The following OVCH1 variants were observed in gnomAD, a reference collection of about 807,000 sequenced individuals.
OVCH1 encodes the protein ovochymase-1.
A neutral mutation model predicts 138.4 loss-of-function variants in OVCH1; 139 were observed. The observed-to-expected ratio is 1.00, with a 90% CI of 0.87 to 1.16. The LOEUF (loss-of-function observed/expected upper bound fraction) is 1.16, where lower values mean the gene tolerates loss of function less well. Among genes scored for constraint, OVCH1 ranks in the 50% most tolerant of loss-of-function variants. OVCH1 has a pLI of 0.00. For synonymous variants in OVCH1, 453 were observed against 467.8 expected, an observed-to-expected ratio of 0.97 and a Z score of 0.41; for missense variants, 1,367 against 1,357.9, an observed-to-expected ratio of 1.01 and a Z score of -0.11.
At chr12:29,465,243 G>A in intron 16 of OVCH1, 24 bp from the exon 17 acceptor site, 1 of 1,560,868 alleles carries the variant, frequency 6.4e-7, no homozygotes. Context: ...AACAGTGAAA[G>A]TTTGACATGA....
rs1224929608 is a variant in OVCH1, at chr12:29,485,106, A to T, written c.995+1140T>A. On this transcript the variant is annotated intron_variant, in intron 8 of 27. Coordinates refer to ENST00000318184, the Ensembl canonical transcript of OVCH1. ...CTTGGGTAAGGTTAAATACCTTTGT[A>T]TAAAGATGCTAACGTACAATTTGAG... is the stretch of plus-strand genomic sequence containing the variant. 4.6e-5 allele frequency among the ~76,000 whole-genome samples: 7 copies of T among 152,242 alleles called. No individual in the cohort carries two copies. In the East Asian group the frequency reaches 1.2e-3, roughly 25 times the overall value.
At chr12:29,450,319 G>A (rs1027848852) in intron 22 of OVCH1, among the ~76,000 whole-genome samples, 4 of 151,856 alleles carry the variant, frequency 2.6e-5, no homozygotes, top group Non-Finnish European at 5.9e-5. Context: ...AAATTCACAA[G>A]AAAAAAATAA....
At chr12:29,448,698 G>T (rs73278722) in intron 22 of OVCH1, among the ~76,000 whole-genome samples, 1 of 152,012 alleles carries the variant, frequency 6.6e-6, no homozygotes, top group Non-Finnish European at 1.5e-5. Context: ...CTAATTAATT[G>T]TGTCACTGTA....
At chr12:29,433,478 A>G (rs376647832) in intron 27 of OVCH1, among the ~76,000 whole-genome samples, 11 of 152,206 alleles carry the variant, frequency 7.2e-5, no homozygotes, top group East Asian at 5.8e-4. Context: ...TTCTTTATAA[A>G]TTACCCAGTC....
At chr12:29,426,462 A>G (rs1237910790), downstream of OVCH1, among the ~76,000 whole-genome samples, 1 of 152,196 alleles carries the variant, frequency 6.6e-6, no homozygotes. Context: ...TCCCAAATTG[A>G]TATCTATAGC....
chr12:29,477,723 CT>C lies in OVCH1; in HGVS notation c.1070-146del, dbSNP rs1727274279. The C allele has an allele frequency of 3.2e-6, 3 of 946,100 alleles. No individual in the cohort carries two copies. In the South Asian group the frequency reaches 5.1e-5, roughly 16 times the overall value. The allele number at this position is 946,100 out of a possible 1,614,324, so 58.6% of individuals were successfully genotyped here. A position where few individuals can be genotyped will look rare whatever the true frequency, so the allele number is the denominator to read the frequency against. ...CTTCAGGGCCTAACTCAAAATTCAGCTCTCTGATAAACTCTACCAGACAACC... is the reference window on the plus strand; with the variant it reads ...CTTCAGGGCCTAACTCAAAATTCAGCCTCTGATAAACTCTACCAGACAACC... On this transcript the variant is annotated intron_variant, in intron 9 of 27. Transcript: ENST00000318184.
intron 26 of OVCH1, among the ~76,000 whole-genome samples, chr12:29,436,995 G>A (rs1200617398): frequency 6.6e-6 from 1 of 152,178 alleles, no homozygotes. Flanking sequence ...CTGCTGATTG[G>A]TCCATTTTAC....
At chr12:29,471,650 A>G (rs887504827) in intron 16 of OVCH1, among the ~76,000 whole-genome samples, 152 bp downstream of exon 16, 1 of 152,230 alleles carries the variant, frequency 6.6e-6, no homozygotes, top group Non-Finnish European at 1.5e-5. Context: ...ACATTGTTTA[A>G]ATAGTAGCTA....
intron 19 of OVCH1, among the ~76,000 whole-genome samples, chr12:29,459,173 A>T (rs1284933229): frequency 6.6e-6 from 1 of 152,216 alleles, no homozygotes; most frequent in African/African-American, 2.4e-5. Flanking sequence ...TTGAAAAGTT[A>T]TCTGCACTCC....
At chr12:29,496,509 A>G (rs1456608924) in intron 2 of OVCH1, 47 bp downstream of exon 2, 51 of 1,472,274 alleles carry the variant, frequency 3.5e-5, no homozygotes, top group Non-Finnish European at 4.7e-5. Flanking sequence ...CAAAGGAAAT[A>G]TTTCACTGTT....
At chr12:29,492,311 A>G (rs1469971578) in intron 4 of OVCH1, among the ~76,000 whole-genome samples, 1 of 127,384 alleles carries the variant, frequency 7.9e-6, no homozygotes, top group African/African-American at 3.1e-5. Flanking sequence ...TGACTGGAGC[A>G]GATTAAGTTA....
rs1943226287 is a variant in OVCH1, at chr12:29,489,791, A to G, written c.551-20T>C. 1.2e-6 allele frequency: 2 copies of G among 1,601,596 alleles called. No homozygotes were observed. Among genetic ancestry groups the G allele is most frequent in the African/African-American group, 1.3e-5 (1 of 74,784 alleles). ...CTGATGCTGTAGAGAGAGGACAGATAAGTTAGCACACAATATCCTCATGGA... is the reference window on the plus strand; with the variant it reads ...CTGATGCTGTAGAGAGAGGACAGATGAGTTAGCACACAATATCCTCATGGA... On this transcript the variant is annotated intron_variant, in intron 5 of 27. Transcript: ENST00000318184.
At chr12:29,486,227 T>C (rs1943100969) in intron 8 of OVCH1, 23 bp downstream of exon 8, 10 of 1,587,596 alleles carry the variant, frequency 6.3e-6, no homozygotes, top group Non-Finnish European at 8.6e-6. Context: ...TCAGCTTCCT[T>C]CTCTAATTAG....
At chr12:29,448,353 ATAAGTGCTC>A (rs1941676152) in intron 22 of OVCH1, among the ~76,000 whole-genome samples, 1 of 151,588 alleles carries the variant, frequency 6.6e-6, no homozygotes, top group African/African-American at 2.4e-5. Flanking sequence ...TTAGAAGATA[ATAAGTGCTC>A]TAAGAAAAGG....
chr12:29,422,331 A>G (rs976525417), intron 3 of OVCH1, among the ~76,000 whole-genome samples: 3 of 152,172 alleles, frequency 2.0e-5, no homozygotes, highest in Non-Finnish European at 4.4e-5. Flanking sequence ...AAACTATTCA[A>G]AGTCTCACCT....
intron 16 of OVCH1, among the ~76,000 whole-genome samples, chr12:29,467,678 G>C (rs765711715): frequency 1.2e-4 from 18 of 152,168 alleles, no homozygotes; most frequent in Non-Finnish European, 1.0e-4. Flanking sequence ...TGCAAAGTGA[G>C]CTTGGTCTCC....
At chr12:29,456,515 T>C (rs1253922974) in intron 19 of OVCH1, among the ~76,000 whole-genome samples, 1 of 152,186 alleles carries the variant, frequency 6.6e-6, no homozygotes, top group Admixed American at 6.5e-5. Context: ...TTGTTTAAAT[T>C]GACAAATTAT....
chr12:29,436,610 C>A (rs1941364842), intron 26 of OVCH1, among the ~76,000 whole-genome samples: 1 of 152,074 alleles, frequency 6.6e-6, no homozygotes, highest in Admixed American at 6.5e-5. Flanking sequence ...TTAAAGATGG[C>A]GTGTCTAGAG....
intron 4 of OVCH1, 81 bp downstream of exon 4, chr12:29,495,202 CCA>C: frequency 7.7e-7 from 1 of 1,290,658 alleles, no homozygotes. Flanking sequence ...TACTAGACAG[CCA>C]CACAGACATT....
Sources: gnomAD v4.1 joint callset for allele counts (sites outside exome capture counted in the v4.1 genomes callset) on GRCh38, gnomAD v4.1.1 for gene constraint, MANE v1.5 for transcripts, NCBI Gene and HGNC (gene_info 2026-07-23, HGNC 2026-07-21) for gene names.